DTNB: variants seen among roughly 807,000 people sequenced by gnomAD.
DTNB encodes the protein dystrobrevin beta, also known as DTN-B.
In DTNB, 63 loss-of-function variants were observed where a neutral mutation model predicts 90.7. The ratio of observed to expected loss-of-function variants is 0.69; its 90% CI spans 0.57 to 0.86. The LOEUF (loss-of-function observed/expected upper bound fraction) is 0.86, where lower values mean the gene tolerates loss of function less well. Ranked by LOEUF, DTNB falls within the 40% of genes least tolerant of loss-of-function variation. The pLI, the probability that DTNB is intolerant of heterozygous loss-of-function variation, is 0.00. For missense variants in DTNB, 744 were observed against 807.1 expected (o/e 0.92, Z 0.95); for synonymous variants, 277 against 286.7 (o/e 0.97, Z 0.34).
intron 10 of DTNB, among the ~76,000 whole-genome samples, chr2:25,476,464 A>C (rs534402271): frequency 5.9e-5 from 9 of 152,246 alleles, no homozygotes; most frequent in Non-Finnish European, 1.3e-4. Flanking sequence ...GTCTGGACAA[A>C]GTAAATTGAA....
At chr2:25,467,360 A>T (rs897384488) in intron 10 of DTNB, among the ~76,000 whole-genome samples, 2 of 142,990 alleles carry the variant, frequency 1.4e-5, no homozygotes, top group Non-Finnish European at 3.0e-5. Context: ...GTGCAGTGGT[A>T]TGATCACAAC....
chr2:25,627,397 A>T (rs1295846142), intron 4 of DTNB, among the ~76,000 whole-genome samples: 1 of 152,052 alleles, frequency 6.6e-6, no homozygotes, highest in Non-Finnish European at 1.5e-5. Context: ...CTGGGCAACA[A>T]GAGAGAAACT....
intron 15 of DTNB, among the ~76,000 whole-genome samples, chr2:25,423,734 A>C (rs547261662): frequency 1.4e-5 from 2 of 147,234 alleles, no homozygotes; most frequent in African/African-American, 5.0e-5. Context: ...ATCTCGGCTC[A>C]CTGCAACCTC....
intron 9 of DTNB, among the ~76,000 whole-genome samples, chr2:25,518,502 C>T (rs1028481384): frequency 6.6e-6 from 1 of 152,136 alleles, no homozygotes; most frequent in Non-Finnish European, 1.5e-5. Context: ...CTCTCACACA[C>T]ACACACAGAG....
intron 8 of DTNB, among the ~76,000 whole-genome samples, chr2:25,558,684 C>T (rs151201647): frequency 3.7e-3 from 565 of 152,288 alleles, no homozygotes; most frequent in African/African-American, 0.013. Flanking sequence ...TTAAACTTAG[C>T]ATTTTTGCAG....
At chr2:25,409,326 C>T (rs1371140311) in intron 16 of DTNB, among the ~76,000 whole-genome samples, 2 of 152,164 alleles carry the variant, frequency 1.3e-5, no homozygotes, top group African/African-American at 2.4e-5. Context: ...TAGCCTTTCT[C>T]CAGAGTACCA....
At position 25,571,856 on chromosome 2, in the gene DTNB, A is replaced by G. The variant is rs531966754; in HGVS notation, c.876+4982T>C. Reference sequence around the variant, plus strand: ...CACCTGCTTCAAACTGCCTTGGCTGAGAAGCGATATATATATATATAATAT... The same window carrying G: ...CACCTGCTTCAAACTGCCTTGGCTGGGAAGCGATATATATATATATAATAT... On this transcript the variant is annotated intron_variant, in intron 8 of 20. Coordinates refer to ENST00000406818, the MANE Select transcript of DTNB (RefSeq NM_021907.5). 2.5e-4 allele frequency among the ~76,000 whole-genome samples: 37 copies of G among 149,898 alleles called. 1 individual carries two copies. The highest frequency in any genetic ancestry group is 7.9e-4 in the African/African-American group (31 of 39,236).
intron 1 of DTNB, among the ~76,000 whole-genome samples, chr2:25,659,516 C>CA (rs924976014): frequency 3.4e-5 from 5 of 149,114 alleles, no homozygotes; most frequent in African/African-American, 9.9e-5. Flanking sequence ...AACAGAGCAA[C>CA]AAAAAAAAGA....
intron 2 of DTNB, among the ~76,000 whole-genome samples, chr2:25,642,041 C>T (rs993942521): frequency 1.3e-5 from 2 of 152,060 alleles, no homozygotes; most frequent in East Asian, 1.9e-4. Context: ...AGGATGATCT[C>T]GATCTCCTGA....
chr2:25,384,002 T>C, intron 18 of DTNB, 113 bp from the exon 19 acceptor site: 3 of 1,581,120 alleles, frequency 1.9e-6, no homozygotes, highest in Non-Finnish European at 1.7e-6. Flanking sequence ...TAACAGCTCC[T>C]GGCTGCAGGC....
intron 7 of DTNB, 74 bp downstream of exon 7, chr2:25,580,647 C>T (rs886261387): frequency 5.4e-6 from 7 of 1,294,366 alleles, no homozygotes; most frequent in Non-Finnish European, 7.8e-6. Context: ...ATATTAATAG[C>T]TAAGGACATT....
intron 9 of DTNB, among the ~76,000 whole-genome samples, chr2:25,487,708 G>A (rs1378281888): frequency 6.6e-6 from 1 of 152,184 alleles, no homozygotes; most frequent in African/African-American, 2.4e-5. Flanking sequence ...AGAATTAAGA[G>A]AACCCTAGAT....
At chr2:25,662,900 T>G (rs1208670685) in intron 1 of DTNB, among the ~76,000 whole-genome samples, 1 of 152,146 alleles carries the variant, frequency 6.6e-6, no homozygotes, top group African/African-American at 2.4e-5. Flanking sequence ...TGGAAACATA[T>G]TTTTTTAATT....
chr2:25,631,879 C>T (rs1300816899), intron 3 of DTNB, among the ~76,000 whole-genome samples: 9 of 152,124 alleles, frequency 5.9e-5, no homozygotes, highest in East Asian at 1.9e-4. Flanking sequence ...TTTTCAAGTA[C>T]GCAAAGATAC....
At chr2:25,601,203 A>T (rs1024641954) in intron 5 of DTNB, among the ~76,000 whole-genome samples, 9 of 152,294 alleles carry the variant, frequency 5.9e-5, no homozygotes, top group Admixed American at 3.9e-4. Context: ...ATTTAATGAA[A>T]ATATTTTAAA....
intron 10 of DTNB, chr2:25,481,708 T>G (rs1390215018): frequency 6.6e-6 from 1 of 152,246 alleles, no homozygotes. Flanking sequence ...ACTCGTTAGC[T>G]TCCTTGTCAG....
intron 2 of DTNB, among the ~76,000 whole-genome samples, chr2:25,645,357 CAAAAAAAAAAAAAG>C (rs1227823616): frequency 2.0e-5 from 2 of 99,064 alleles, no homozygotes; most frequent in Non-Finnish European, 3.9e-5. Context: ...GACTCCATCA[CAAAAAAAAAAAAAG>C]AAAAAAAAAG....
At chr2:25,390,038 TG>T (rs1426861482) in intron 16 of DTNB, among the ~76,000 whole-genome samples, 2 of 152,238 alleles carry the variant, frequency 1.3e-5, no homozygotes, top group Admixed American at 6.5e-5. Flanking sequence ...AGTTCTTTCC[TG>T]TTCCAGTTCT....
At chr2:25,637,610 G>A (rs2077387265) in intron 3 of DTNB, among the ~76,000 whole-genome samples, 1 of 152,186 alleles carries the variant, frequency 6.6e-6, no homozygotes, top group Non-Finnish European at 1.5e-5. Flanking sequence ...ATGAAAAAAT[G>A]CTCATCATCA....
Sources: gnomAD v4.1 joint callset for allele counts (sites outside exome capture counted in the v4.1 genomes callset) on GRCh38, gnomAD v4.1.1 for gene constraint, MANE v1.5 for transcripts, NCBI Gene and HGNC (gene_info 2026-07-23, HGNC 2026-07-21) for gene names.